Variants in MPDZ observed in about 807,000 individuals in gnomAD.
MPDZ encodes the protein multiple PDZ domain protein.
MPDZ carries 234 observed loss-of-function variants against 239.1 expected under a neutral mutation model. The ratio of observed to expected loss-of-function variants is 0.98; its 90% CI spans 0.88 to 1.09. The LOEUF (loss-of-function observed/expected upper bound fraction) is 1.09, where lower values mean the gene tolerates loss of function less well. Ranked by LOEUF, MPDZ falls within the 50% of genes least tolerant of loss-of-function variation. MPDZ has a pLI of 0.00. For synonymous variants in MPDZ, 1,048 were observed against 881.3 expected, an observed-to-expected ratio of 1.19 and a Z score of -3.35; for missense variants, 3,175 against 2,510.0, an observed-to-expected ratio of 1.26 and a Z score of -5.66.
Position 13,138,224 on chromosome 9 carries a change from T to C in MPDZ, c.4004-71A>G, listed in dbSNP as rs1947129082. ...AGTCAAATGCTTTACTGTGGAAAGCTATTTAGTTTTACCTCAAAAGGACAG... is the reference window on the plus strand; with the variant it reads ...AGTCAAATGCTTTACTGTGGAAAGCCATTTAGTTTTACCTCAAAAGGACAG... On this transcript the variant is annotated intron_variant, in intron 28 of 46. Transcript: ENST00000319217. 2.2e-6 allele frequency: 3 copies of C among 1,370,494 alleles called. No individual in the cohort carries two copies. In the African/African-American group the frequency reaches 4.4e-5, roughly 20 times the overall value. The allele number at this position is 1,370,494 out of a possible 1,614,324, so 84.9% of individuals were successfully genotyped here.
intron 26 of MPDZ, among the ~76,000 whole-genome samples, chr9:13,147,081 G>T (rs979526081): frequency 1.3e-5 from 2 of 151,878 alleles, no homozygotes; most frequent in Non-Finnish European, 2.9e-5. Flanking sequence ...ACGTTCAGTG[G>T]GATACACAAA....
chr9:13,229,792 C>G (rs1306466338), intron 3 of MPDZ, among the ~76,000 whole-genome samples: 1 of 151,922 alleles, frequency 6.6e-6, no homozygotes, highest in East Asian at 1.9e-4. Context: ...ATTTGTAGAG[C>G]TTTAAATATA....
intron 39 of MPDZ, 97 bp downstream of exon 39, chr9:13,119,405 A>C: frequency 7.1e-7 from 1 of 1,412,092 alleles, no homozygotes. Flanking sequence ...ACTTTAAATA[A>C]AGAGAAGTCA....
In MPDZ at chr9:13,216,867, G is replaced by A. The variant is rs1233116168; in HGVS notation, c.1202-5C>T. 6.9e-6 allele frequency: 11 copies of A among 1,602,060 alleles called. No individual in the cohort carries two copies. The highest frequency in any genetic ancestry group is 1.7e-4 in the Middle Eastern group (1 of 6,018). The stretch of plus-strand genomic sequence containing the variant: ...TTACAAAGATTCCTGAAGGTTCTAA[G>A]ATTAGAAATAGTTTATTTTTCACAA... On this transcript the variant is annotated splice_polypyrimidine_tract_variant and splice_region_variant and intron_variant, in intron 9 of 46. Coordinates refer to ENST00000319217, the MANE Select transcript of MPDZ (RefSeq NM_001378778.1).
chr9:13,264,633 C>T (rs1971411719), intron 1 of MPDZ, among the ~76,000 whole-genome samples: 1 of 151,218 alleles, frequency 6.6e-6, no homozygotes, highest in Non-Finnish European at 1.5e-5. Context: ...TATTTCCTTC[C>T]CCATTAACCC....
chr9:13,230,774 A>T (rs976580895), intron 3 of MPDZ, among the ~76,000 whole-genome samples: 4 of 152,164 alleles, frequency 2.6e-5, no homozygotes, highest in Non-Finnish European at 5.9e-5. Flanking sequence ...AACGGGAGGG[A>T]GGAATTTAAA....
chr9:13,255,394 A>C (rs1969192715), intron 1 of MPDZ, among the ~76,000 whole-genome samples: 1 of 152,204 alleles, frequency 6.6e-6, no homozygotes, highest in South Asian at 2.1e-4. Flanking sequence ...TGAATTACAA[A>C]TATCTTAATG....
intron 3 of MPDZ, among the ~76,000 whole-genome samples, chr9:13,243,970 CCTG>C (rs1966011162): frequency 6.6e-6 from 1 of 152,164 alleles, no homozygotes; most frequent in African/African-American, 2.4e-5. Flanking sequence ...GCTTTTGCAG[CCTG>C]AGTCATCTAC....
chr9:13,265,524 GC>G (rs1406602836), intron 1 of MPDZ, among the ~76,000 whole-genome samples: 1 of 152,166 alleles, frequency 6.6e-6, no homozygotes, highest in Non-Finnish European at 1.5e-5. Flanking sequence ...AGCCGAGATT[GC>G]ACCATTGCAC....
rs1424752349 is a variant in MPDZ, at chr9:13,106,884, T to C, written c.*81A>G. On this transcript the variant is annotated 3_prime_UTR_variant, in exon 47 of 47. Coordinates refer to ENST00000319217, the MANE Select transcript of MPDZ (RefSeq NM_001378778.1). ...TTTGAAGACCCGGCTGAACACAGCA[T>C]AAAAATTGTCAGGACCAGTGCATTC... The C allele has an allele frequency of 2.7e-6, 4 of 1,488,234 alleles. No individual in the cohort carries two copies. Among genetic ancestry groups the C allele is most frequent in the East Asian group, 4.6e-5 (2 of 43,532 alleles). 92.2% of individuals were successfully genotyped at this position (1,488,234 alleles called of 1,614,324 possible).
chr9:13,114,418 A>G (rs1402046707), intron 40 of MPDZ, among the ~76,000 whole-genome samples: 1 of 152,178 alleles, frequency 6.6e-6, no homozygotes, highest in Non-Finnish European at 1.5e-5. Flanking sequence ...GGGGTCTTTA[A>G]GGACAGACTG....
intron 39 of MPDZ, among the ~76,000 whole-genome samples, chr9:13,117,839 TTAGC>T (rs1256039156): frequency 6.6e-6 from 1 of 151,344 alleles, no homozygotes; most frequent in Non-Finnish European, 1.5e-5. Flanking sequence ...TACTTTCAGA[TTAGC>T]TTTTTTTTTT....
chr9:13,133,217 ATC>A (rs1946262371), intron 32 of MPDZ, among the ~76,000 whole-genome samples: 1 of 152,166 alleles, frequency 6.6e-6, no homozygotes, highest in South Asian at 2.1e-4. Context: ...GGAAGATGTC[ATC>A]TCTCTTAAAT....
At chr9:13,210,817 AAAATTAAGCCAAATATACCTCCACTGG>A (rs1957535375) in intron 10 of MPDZ, among the ~76,000 whole-genome samples, 1 of 152,144 alleles carries the variant, frequency 6.6e-6, no homozygotes, top group Non-Finnish European at 1.5e-5. Flanking sequence ...TTATTCATGG[AAAATTAAGCCAAATATACCTCCACTGG>A]AATCTTCCAA....
intron 19 of MPDZ, among the ~76,000 whole-genome samples, chr9:13,180,361 T>C (rs1953116433): frequency 6.6e-6 from 1 of 152,104 alleles, no homozygotes; most frequent in African/African-American, 2.4e-5. Flanking sequence ...TAAAAAGTAA[T>C]TCCTGGCAGA....
intron 10 of MPDZ, among the ~76,000 whole-genome samples, chr9:13,208,978 C>T (rs1957311580): frequency 6.6e-6 from 1 of 152,078 alleles, no homozygotes; most frequent in Admixed American, 6.6e-5. Flanking sequence ...CAAAGAAGCA[C>T]CAAGGTCCTT....
rs1196570471 is a variant in MPDZ at position 13,123,309 on chromosome 9, G to T, written c.4808-11C>A. 7.6e-6 allele frequency: 12 copies of T among 1,586,438 alleles called. No individual in the cohort carries two copies. Among genetic ancestry groups the T allele is most frequent in the Non-Finnish European group, 1.0e-5 (12 of 1,166,190 alleles). ...ATGATCTGCTTGTATCTAAAAATAA[G>T]TTAAAAATGAAATACAAATAAAAAT... is the stretch of plus-strand genomic sequence containing the variant. On this transcript the variant is annotated splice_polypyrimidine_tract_variant and intron_variant, in intron 35 of 46. Coordinates refer to ENST00000319217, the MANE Select transcript of MPDZ (RefSeq NM_001378778.1).
chr9:13,255,573 G>T (rs1354788412), intron 1 of MPDZ, among the ~76,000 whole-genome samples: 1 of 152,188 alleles, frequency 6.6e-6, no homozygotes, highest in Non-Finnish European at 1.5e-5. Flanking sequence ...AATGGATGTT[G>T]TGTTAGCGAC....
chr9:13,162,790 G>A lies in MPDZ; in HGVS notation c.3260C>T (p.Thr1087Ile). The change falls in exon 23 of 47, where the codon ACT (threonine) becomes ATT (isoleucine). Residue 1087 changes from threonine to isoleucine, a missense_variant. Physicochemically the swap from Thr to Ile is moderately conservative, Grantham distance 89. Coordinates refer to ENST00000319217, the MANE Select transcript of MPDZ (RefSeq NM_001378778.1). Reference sequence around the variant, plus strand: ...TTCCAAATGTTCTGCAGGCACATAAGTAATTCTGGAACAAACCAGAATCCA... The same window carrying A: ...TTCCAAATGTTCTGCAGGCACATAAATAATTCTGGAACAAACCAGAATCCA... ...HSLIGPDIKI[T>I]YVPAEHLEEF... The A allele has an allele frequency of 6.2e-7, 1 of 1,606,862 alleles. No individual in the cohort carries two copies. Among genetic ancestry groups the A allele is most frequent in the Non-Finnish European group, 8.5e-7 (1 of 1,175,238 alleles).
Sources: gnomAD v4.1 joint callset for allele counts (sites outside exome capture counted in the v4.1 genomes callset) on GRCh38, gnomAD v4.1.1 for gene constraint, MANE v1.5 for transcripts, NCBI Gene and HGNC (gene_info 2026-07-23, HGNC 2026-07-21) for gene names.